ST3GAL6: variants seen among roughly 807,000 people sequenced by gnomAD.
The protein encoded by ST3GAL6 is type 2 lactosamine alpha-2,3-sialyltransferase.
A neutral mutation model predicts 40.5 loss-of-function variants in ST3GAL6; 31 were observed. The ratio of observed to expected loss-of-function variants is 0.77; its 90% CI spans 0.58 to 1.03. The LOEUF (loss-of-function observed/expected upper bound fraction) is 1.03, where lower values mean the gene tolerates loss of function less well. Ranked by LOEUF, ST3GAL6 falls within the 50% of genes least tolerant of loss-of-function variation. ST3GAL6 has a pLI of 0.00. For synonymous variants in ST3GAL6, 129 were observed against 136.9 expected, an observed-to-expected ratio of 0.94 and a Z score of 0.40; for missense variants, 357 against 393.2, an observed-to-expected ratio of 0.91 and a Z score of 0.78.
intron 6 of ST3GAL6, among the ~76,000 whole-genome samples, chr3:98,786,795 G>T (rs1187619358): frequency 6.6e-6 from 1 of 151,916 alleles, no homozygotes; most frequent in Non-Finnish European, 1.5e-5. Context: ...GGGGAAGGGG[G>T]TTCAGAACAC....
At chr3:98,748,394 A>G (rs747865742) in intron 1 of ST3GAL6, among the ~76,000 whole-genome samples, 3 of 152,146 alleles carry the variant, frequency 2.0e-5, no homozygotes, top group African/African-American at 4.8e-5. Flanking sequence ...GGATTATATG[A>G]GTTTGTGCCT....
intron 8 of ST3GAL6, 148 bp downstream of exon 8, chr3:98,788,611 A>G (rs993936454): frequency 7.4e-6 from 5 of 679,130 alleles, no homozygotes; most frequent in Non-Finnish European, 9.2e-6. Flanking sequence ...GTAGTTATCT[A>G]TGGATATTAT....
At chr3:98,781,995 C>T (rs1257204984) in intron 5 of ST3GAL6, among the ~76,000 whole-genome samples, 2 of 152,128 alleles carry the variant, frequency 1.3e-5, no homozygotes, top group African/African-American at 4.8e-5. Flanking sequence ...GAGAATCGCC[C>T]CCTCCTATAG....
intron 5 of ST3GAL6, among the ~76,000 whole-genome samples, chr3:98,776,922 A>G (rs1396300249): frequency 6.6e-6 from 1 of 152,232 alleles, no homozygotes; most frequent in Non-Finnish European, 1.5e-5. Context: ...GGGAAAACTC[A>G]AAATATCAGT....
At chr3:98,744,756 A>G (rs1936408300) in intron 1 of ST3GAL6, among the ~76,000 whole-genome samples, 1 of 152,036 alleles carries the variant, frequency 6.6e-6, no homozygotes, top group Admixed American at 6.6e-5. Context: ...TTGATAGGAA[A>G]AAAAAAAATC....
At chr3:98,737,223 A>G (rs907488305) in intron 1 of ST3GAL6, among the ~76,000 whole-genome samples, 2 of 151,542 alleles carry the variant, frequency 1.3e-5, no homozygotes, top group African/African-American at 4.9e-5. Flanking sequence ...TATTTTCTGT[A>G]TTTTTTTTGT....
intron 3 of ST3GAL6, 38 bp from the exon 4 acceptor site, chr3:98,772,775 G>C (rs2334230): frequency 1.4e-6 from 2 of 1,417,734 alleles, no homozygotes; most frequent in Admixed American, 1.7e-5. Flanking sequence ...AAATATAGTA[G>C]GTATTTGGCA....
At chr3:98,735,896 T>C (rs996390006) in intron 1 of ST3GAL6, among the ~76,000 whole-genome samples, 1 of 152,226 alleles carries the variant, frequency 6.6e-6, no homozygotes, top group Non-Finnish European at 1.5e-5. Context: ...GCTGGAGTTC[T>C]TTCCCCTGAT....
At chr3:98,779,202 T>C (rs760447814) in intron 5 of ST3GAL6, among the ~76,000 whole-genome samples, 2 of 152,170 alleles carry the variant, frequency 1.3e-5, no homozygotes, top group Non-Finnish European at 2.9e-5. Context: ...AAGGAAGAAG[T>C]GAGTAATGAA....
At chr3:98,759,631 TC>T (rs1937593443), upstream of ST3GAL6, among the ~76,000 whole-genome samples, 1 of 152,114 alleles carries the variant, frequency 6.6e-6, no homozygotes, top group Non-Finnish European at 1.5e-5. Context: ...CTTTTCAAAA[TC>T]CTGGCTGCCT....
intron 1 of ST3GAL6, among the ~76,000 whole-genome samples, chr3:98,754,236 A>G (rs1937247785): frequency 6.6e-6 from 1 of 152,192 alleles, no homozygotes; most frequent in African/African-American, 2.4e-5. Flanking sequence ...GGAGGTCAAA[A>G]TATCCACTTT....
In ST3GAL6 at chr3:98,795,824, T is replaced by TAA. The variant is rs1941566563; in HGVS notation, c.*2066_*2067dup. ...GCACATGTACCCTTAGAATCTAAAA[T>TAA]AAAAGTTGAAATTATTTTTTTAAAA... On this transcript the variant is annotated 3_prime_UTR_variant, in exon 10 of 10. Coordinates refer to ENST00000483910, the MANE Select transcript of ST3GAL6 (RefSeq NM_001323368.2). 1 of 152,192 alleles carries TAA rather than the reference T, an allele frequency of 6.6e-6. No individual in the cohort carries two copies. Among genetic ancestry groups the TAA allele is most frequent in the African/African-American group, 2.4e-5 (1 of 41,418 alleles). The allele number at this position is 152,192 out of a possible 1,614,324, so 9.4% of individuals were successfully genotyped here.
intron 1 of ST3GAL6, among the ~76,000 whole-genome samples, chr3:98,746,619 A>T (rs1405542351): frequency 6.6e-6 from 1 of 152,176 alleles, no homozygotes; most frequent in African/African-American, 2.4e-5. Flanking sequence ...TTCTTTATAG[A>T]AAATAACGTT....
chr3:98,773,969 T>C lies in ST3GAL6; in HGVS notation c.321T>C (p.Phe107=), dbSNP rs1239671299. 2.5e-6 allele frequency: 4 copies of C among 1,613,194 alleles called. No homozygotes were observed. Among genetic ancestry groups the C allele is most frequent in the Non-Finnish European group, 3.4e-6 (4 of 1,179,340 alleles). Residue 107 remains phenylalanine (F), a synonymous_variant, in exon 5 of 10, where the codon TTT becomes TTC. Transcript: ENST00000483910. ...CAAAACTGCAGAGTTGTGATCTCTT[T>C]GATGAGTTTGACAAGTGAGTTTATT... is the stretch of plus-strand genomic sequence containing the variant. The part of the protein sequence containing the change: ...ALSKLQSCDL[F]DEFDNIPCKK...
intron 1 of ST3GAL6, chr3:98,756,679 T>A: frequency 1.4e-6 from 1 of 730,286 alleles, no homozygotes; most frequent in South Asian, 3.0e-5. Context: ...GCTATTTTTT[T>A]CTCTTACTAG....
At chr3:98,761,347 C>G (rs985287171), upstream of ST3GAL6, among the ~76,000 whole-genome samples, 1 of 152,130 alleles carries the variant, frequency 6.6e-6, no homozygotes. Context: ...GTGGCTGATG[C>G]CTGTAATCCC....
intron 1 of ST3GAL6, among the ~76,000 whole-genome samples, chr3:98,753,147 T>C (rs1011391220): frequency 6.6e-6 from 1 of 152,218 alleles, no homozygotes. Context: ...AAAGTTCTTA[T>C]TACAAGTGCT....
At position 98,772,433 on chromosome 3, in the gene ST3GAL6, T is replaced by C. The variant is rs1426262521; in HGVS notation, c.168-380T>C. 6 of 158,090 alleles carry C rather than the reference T, an allele frequency of 3.8e-5. No individual in the cohort carries two copies. In the Admixed American group the frequency reaches 3.8e-4, roughly 10 times the overall value. The allele number at this position is 158,090 out of a possible 1,614,324, so 9.8% of individuals were successfully genotyped here. On this transcript the variant is annotated intron_variant, in intron 3 of 9. Coordinates refer to ENST00000483910, the MANE Select transcript of ST3GAL6 (RefSeq NM_001323368.2). ...AGCTGATACAACTTCACATATATGG[T>C]ACTTTTAAATTTAGAAATAGCTTAG...
intron 6 of ST3GAL6, 126 bp downstream of exon 6, chr3:98,785,166 C>CAAGAGAGAAGG: frequency 1.6e-6 from 1 of 624,926 alleles, no homozygotes. Context: ...ATTGCACAAC[C>CAAGAGAGAAGG]TTCTCTCTTG....
Sources: gnomAD v4.1 joint callset for allele counts (sites outside exome capture counted in the v4.1 genomes callset) on GRCh38, gnomAD v4.1.1 for gene constraint, MANE v1.5 for transcripts, NCBI Gene and HGNC (gene_info 2026-07-23, HGNC 2026-07-21) for gene names.